Variants in LSAMP observed in about 807,000 individuals in gnomAD.
LSAMP encodes the protein limbic system-associated membrane protein.
A neutral mutation model predicts 38.6 loss-of-function variants in LSAMP; 7 were observed. The observed-to-expected ratio is 0.18, with a 90% CI of 0.10 to 0.34. The LOEUF is 0.34. LSAMP is among the 10% of genes least tolerant of loss of function. The pLI, the probability that LSAMP is intolerant of heterozygous loss-of-function variation, is 1.00. For missense variants in LSAMP, 313 were observed against 420.0 expected, an observed-to-expected ratio of 0.75 and a Z score of 2.23; for synonymous variants, 154 against 166.8, an observed-to-expected ratio of 0.92 and a Z score of 0.59.
chr3:116,190,128 C>CACACACACACACACAT (rs768880292), intron 1 of LSAMP, among the ~76,000 whole-genome samples: 17 of 146,426 alleles, frequency 1.2e-4, no homozygotes, highest in African/African-American at 2.0e-4. Flanking sequence ...CACACACACA[C>CACACACACACACACAT]ATGCATTAAG....
At chr3:116,419,279 A>G (rs2107852145) in intron 1 of LSAMP, among the ~76,000 whole-genome samples, 1 of 152,330 alleles carries the variant, frequency 6.6e-6, no homozygotes, top group East Asian at 1.9e-4. Context: ...TTCATTTGCC[A>G]CATATTTTCG....
intron 1 of LSAMP, among the ~76,000 whole-genome samples, chr3:116,106,050 C>T (rs4555515): frequency 0.01 from 1,538 of 151,852 alleles, 21 homozygotes; most frequent in African/African-American, 0.033. Context: ...GGCCTGGATA[C>T]GGTTTTGGAT....
intron 1 of LSAMP, among the ~76,000 whole-genome samples, chr3:116,385,684 T>G (rs1312921996): frequency 6.6e-6 from 1 of 152,164 alleles, no homozygotes; most frequent in Non-Finnish European, 1.5e-5. Context: ...TTTATTGGAA[T>G]GTCTTTCCTT....
intron 1 of LSAMP, among the ~76,000 whole-genome samples, chr3:116,167,067 A>G (rs931021791): frequency 6.6e-5 from 10 of 152,254 alleles, no homozygotes; most frequent in African/African-American, 2.4e-4. Flanking sequence ...CTGGGATTAC[A>G]GGCGTGAGCC....
chr3:115,985,988 A>G (rs1939499731), intron 3 of LSAMP, among the ~76,000 whole-genome samples: 1 of 152,212 alleles, frequency 6.6e-6, no homozygotes, highest in Non-Finnish European at 1.5e-5. Flanking sequence ...CCAACAATAT[A>G]TAACGAATAC....
chr3:115,998,141 A>C (rs1939881913), intron 3 of LSAMP, among the ~76,000 whole-genome samples: 1 of 151,346 alleles, frequency 6.6e-6, no homozygotes, highest in Non-Finnish European at 1.5e-5. Flanking sequence ...GTTGACAACC[A>C]CTCAACTAGG....
intron 1 of LSAMP, among the ~76,000 whole-genome samples, chr3:116,332,049 C>T (rs1175841104): frequency 1.3e-5 from 2 of 151,886 alleles, no homozygotes; most frequent in African/African-American, 4.8e-5. Flanking sequence ...GTAAGTTGTC[C>T]AGGCTGGCTG....
At chr3:116,085,995 T>C (rs930542433) in intron 2 of LSAMP, among the ~76,000 whole-genome samples, 4 of 152,228 alleles carry the variant, frequency 2.6e-5, no homozygotes, top group African/African-American at 9.6e-5. Flanking sequence ...AAAAGTGTAC[T>C]TCATATGGCC....
intron 3 of LSAMP, among the ~76,000 whole-genome samples, chr3:115,914,770 T>G (rs187704123): frequency 1.4e-4 from 22 of 152,278 alleles, no homozygotes; most frequent in African/African-American, 4.8e-4. Flanking sequence ...GCATATCACA[T>G]AAAACCCTAC....
At chr3:115,839,254 C>CTTCT (rs1208943503) in intron 6 of LSAMP, among the ~76,000 whole-genome samples, 2 of 102,716 alleles carry the variant, frequency 1.9e-5, no homozygotes, top group African/African-American at 7.1e-5. Context: ...TCCTTCCTTC[C>CTTCT]TTCTTTCTTT....
At chr3:115,992,270 AT>A (rs1182786992) in intron 3 of LSAMP, among the ~76,000 whole-genome samples, 1 of 152,020 alleles carries the variant, frequency 6.6e-6, no homozygotes, top group African/African-American at 2.4e-5. Context: ...GTAAGCTCTC[AT>A]TTGCAATGGC....
chr3:116,234,162 T>C (rs2046437777), intron 1 of LSAMP, among the ~76,000 whole-genome samples: 2 of 152,232 alleles, frequency 1.3e-5, no homozygotes, highest in African/African-American at 4.8e-5. Context: ...GATAGTTCAG[T>C]CTTTTTCTGT....
chr3:116,268,299 T>C (rs76766377), intron 1 of LSAMP, among the ~76,000 whole-genome samples: 4,747 of 152,208 alleles, frequency 0.031, 248 homozygotes, highest in African/African-American at 0.11. Flanking sequence ...AGAGTGGTCA[T>C]GTACACCACA....
intron 1 of LSAMP, among the ~76,000 whole-genome samples, chr3:116,431,029 T>C (rs1221955132): frequency 2.0e-5 from 3 of 152,082 alleles, no homozygotes; most frequent in African/African-American, 7.2e-5. Flanking sequence ...CCTATAGTTT[T>C]CATCCATATT....
chr3:116,110,367 G>A (rs946987658), intron 1 of LSAMP, among the ~76,000 whole-genome samples: 2 of 152,214 alleles, frequency 1.3e-5, no homozygotes, highest in Non-Finnish European at 2.9e-5. Context: ...GAAGGACCAA[G>A]GCAGGCATCC....
intron 1 of LSAMP, among the ~76,000 whole-genome samples, chr3:116,229,697 A>G (rs937791234): frequency 1.3e-5 from 2 of 152,170 alleles, no homozygotes; most frequent in Non-Finnish European, 2.9e-5. Context: ...CACATATTTA[A>G]AAAAGATGAC....
chr3:116,410,492 A>AT (rs5852010), intron 1 of LSAMP, among the ~76,000 whole-genome samples: 18,427 of 150,056 alleles, frequency 0.12, 1,629 homozygotes, highest in African/African-American at 0.26. Context: ...CTAATTAGCC[A>AT]TTTTTTTTTT....
intron 3 of LSAMP, among the ~76,000 whole-genome samples, chr3:115,893,497 G>A (rs1242922177): frequency 1.3e-5 from 2 of 151,946 alleles, no homozygotes; most frequent in African/African-American, 4.8e-5. Flanking sequence ...ATTGATGACA[G>A]TCCTAAACAT....
chr3:116,356,879 C>T (rs892167870), intron 1 of LSAMP, among the ~76,000 whole-genome samples: 5 of 152,100 alleles, frequency 3.3e-5, no homozygotes, highest in African/African-American at 7.2e-5. Context: ...CTGCAAGCTC[C>T]GCCTCCTGGG....
Sources: allele counts gnomAD v4.1 joint callset (sites outside exome capture counted in the v4.1 genomes callset), GRCh38; gene constraint gnomAD v4.1.1; transcripts MANE v1.5; gene names NCBI Gene and HGNC (gene_info 2026-07-23, HGNC 2026-07-21).